ASXL1: variants seen among roughly 807,000 people sequenced by gnomAD.
ASXL1 encodes ASXL transcriptional regulator 1, also known as polycomb group protein ASXL1.
ASXL1 carries 65 observed loss-of-function variants against 89.1 expected under a neutral mutation model. The ratio of observed to expected loss-of-function variants is 0.73; its 90% CI spans 0.60 to 0.90. The LOEUF is 0.90. ASXL1 is among the 40% of genes least tolerant of loss of function. ASXL1 has a pLI of 0.00. For missense variants in ASXL1, 1,786 were observed against 1,942.9 expected, an observed-to-expected ratio of 0.92 and a Z score of 1.52; for synonymous variants, 739 against 746.9, an observed-to-expected ratio of 0.99 and a Z score of 0.17.
chr20:32,399,911 G>A (rs1043858948), intron 4 of ASXL1, among the ~76,000 whole-genome samples: 3 of 151,546 alleles, frequency 2.0e-5, no homozygotes, highest in South Asian at 4.2e-4. Flanking sequence ...ACAGGCACCC[G>A]CCACTACGCC....
intron 4 of ASXL1, among the ~76,000 whole-genome samples, chr20:32,378,829 C>T (rs1415364289): frequency 6.6e-6 from 1 of 151,610 alleles, no homozygotes; most frequent in Non-Finnish European, 1.5e-5. Context: ...ACACCCTCAA[C>T]TAAATATAGT....
chr20:32,403,844 T>C (rs534254174), intron 4 of ASXL1, among the ~76,000 whole-genome samples: 43 of 152,226 alleles, frequency 2.8e-4, no homozygotes, highest in Non-Finnish European at 5.3e-4. Flanking sequence ...AGTTCATGGA[T>C]ATAGTATGTT....
chr20:32,435,574 C>G lies in ASXL1; in HGVS notation c.2862C>G (p.Asp954Glu). ...CTGAGGAGGGTCTAGATCCTCTTGA[C>G]AGCCTTACTTCACTCTGGACTGTGC... Reference protein sequence around the residue: ...LTAEEGLDPLDSLTSLWTVPS... With the variant: ...LTAEEGLDPLESLTSLWTVPS... Residue 954 changes from aspartate to glutamate, a missense_variant, in exon 13 of 13, where the codon GAC (aspartate) becomes GAG (glutamate). Around this residue, in one of 3 missense-constraint regions of ASXL1, gnomAD observed 1,418 missense variants for 1,427.8 expected, o/e 0.99. Transcript: ENST00000375687. The G allele has an allele frequency of 1.2e-6, 2 of 1,614,072 alleles. No homozygotes were observed. The highest frequency in any genetic ancestry group is 1.7e-6 in the Non-Finnish European group (2 of 1,180,028).
intron 4 of ASXL1, among the ~76,000 whole-genome samples, chr20:32,421,994 G>T (rs925010504): frequency 6.8e-6 from 1 of 147,392 alleles, no homozygotes; most frequent in Admixed American, 6.9e-5. Flanking sequence ...TCAGCCTCCC[G>T]AGTAGCTGGG....
intron 4 of ASXL1, among the ~76,000 whole-genome samples, chr20:32,419,191 T>C (rs1380819600): frequency 4.0e-5 from 6 of 151,726 alleles, no homozygotes; most frequent in Non-Finnish European, 8.8e-5. Flanking sequence ...GCTCTCCATT[T>C]ATTTAGGGTT....
At chr20:32,386,521 A>G (rs954780301) in intron 4 of ASXL1, among the ~76,000 whole-genome samples, 1 of 151,950 alleles carries the variant, frequency 6.6e-6, no homozygotes, top group Non-Finnish European at 1.5e-5. Flanking sequence ...GAGTTTAAGT[A>G]ATTCTCATGC....
At chr20:32,411,397 T>G (rs2049044299) in intron 4 of ASXL1, among the ~76,000 whole-genome samples, 1 of 151,262 alleles carries the variant, frequency 6.6e-6, no homozygotes, top group African/African-American at 2.4e-5. Flanking sequence ...CCGGCTAATT[T>G]TTGTCTTTTT....
intron 4 of ASXL1, among the ~76,000 whole-genome samples, chr20:32,413,634 G>A (rs989115156): frequency 1.3e-5 from 2 of 152,186 alleles, no homozygotes; most frequent in African/African-American, 2.4e-5. Flanking sequence ...GTTTGCCCAC[G>A]ATTGAGGGGT....
chr20:32,409,326 G>T (rs1317258146), intron 4 of ASXL1, among the ~76,000 whole-genome samples: 2 of 152,048 alleles, frequency 1.3e-5, no homozygotes, highest in African/African-American at 4.8e-5. Flanking sequence ...TTAAAAATTT[G>T]TTTCCCAGTT....
intron 4 of ASXL1, among the ~76,000 whole-genome samples, chr20:32,411,462 A>G (rs902908455): frequency 8.0e-5 from 12 of 150,482 alleles, no homozygotes; most frequent in Non-Finnish European, 1.3e-4. Context: ...TCCTGGCCTC[A>G]AGCGATCCAC....
rs2123222993 is a variant in ASXL1 at position 32,429,938 on chromosome 20, C to T, written c.603C>T (p.Ser201=). 6.2e-7 allele frequency: 1 copy of T among 1,608,088 alleles called. No individual in the cohort carries two copies. Among genetic ancestry groups the T allele is most frequent in the Non-Finnish European group, 8.5e-7 (1 of 1,179,504 alleles). ...GCCACGCCGATGGCGAGAGCGGCAG[C>T]CCGTCCAGCAGCAGCAGCGGCTCTC... ...SGCHADGESG[S]PSSSSSGSLA... The change falls in exon 8 of 13, where the codon AGC becomes AGT. Residue 201 remains serine (S), a synonymous_variant. Coordinates refer to ENST00000375687, the MANE Select transcript of ASXL1 (RefSeq NM_015338.6). This position sits in a 1 kb window ranked among gnomAD's most constrained non-coding sequence, Gnocchi z 4.9.
chr20:32,396,409 T>C (rs1383942193), intron 4 of ASXL1, among the ~76,000 whole-genome samples: 1 of 152,232 alleles, frequency 6.6e-6, no homozygotes, highest in East Asian at 1.9e-4. Context: ...CTTTTGAGGC[T>C]TGCTTTTTAG....
intron 4 of ASXL1, among the ~76,000 whole-genome samples, chr20:32,375,063 T>G (rs1346327881): frequency 6.6e-6 from 1 of 151,968 alleles, no homozygotes; most frequent in Non-Finnish European, 1.5e-5. Context: ...GTCAGGCTGG[T>G]CTCGAACTCC....
chr20:32,377,899 T>A (rs1179758084), intron 4 of ASXL1, among the ~76,000 whole-genome samples: 3 of 151,794 alleles, frequency 2.0e-5, no homozygotes, highest in Admixed American at 6.6e-5. Context: ...GTGATCTGCC[T>A]GCCTCAGCCT....
intron 4 of ASXL1, among the ~76,000 whole-genome samples, chr20:32,397,810 C>T (rs181699452): frequency 9.8e-5 from 15 of 152,312 alleles, no homozygotes; most frequent in East Asian, 9.6e-4. Context: ...ACCTGCTGGC[C>T]GCAGGTTGGA....
chr20:32,414,629 GTTC>G (rs2049106350), intron 4 of ASXL1, among the ~76,000 whole-genome samples: 1 of 152,072 alleles, frequency 6.6e-6, no homozygotes, highest in African/African-American at 2.4e-5. Context: ...TTTCCTTTCA[GTTC>G]TTCTTTTGTT....
At chr20:32,410,946 C>T (rs953257830) in intron 4 of ASXL1, among the ~76,000 whole-genome samples, 10 of 147,358 alleles carry the variant, frequency 6.8e-5, no homozygotes, top group South Asian at 2.2e-4. Context: ...GCAGGAGAAT[C>T]GCTTGAACCC....
intron 4 of ASXL1, among the ~76,000 whole-genome samples, chr20:32,396,967 C>A (rs2123026734): frequency 6.7e-6 from 1 of 149,534 alleles, no homozygotes; most frequent in African/African-American, 2.5e-5. Flanking sequence ...CTAATGATAG[C>A]TGAATAGCTA....
Position 32,432,999 on chromosome 20 carries a change from A to T in ASXL1, c.1085+14A>T, listed in dbSNP as rs746620126. The stretch of plus-strand genomic sequence containing the variant: ...CTATGGACAGAAGTAAGGCAGTTGG[A>T]GCTATGAGTCCTGGTCTGGGGTTTT... On this transcript the variant is annotated intron_variant, in intron 11 of 12. Transcript: ENST00000375687. 3 of 1,613,368 alleles carry T rather than the reference A, an allele frequency of 1.9e-6. No homozygotes were observed.
Sources: allele counts gnomAD v4.1 joint callset (sites outside exome capture counted in the v4.1 genomes callset), GRCh38; gene constraint gnomAD v4.1.1; regional missense constraint gnomAD v4.1.1; non-coding constraint Gnocchi (gnomAD v3.1); transcripts MANE v1.5; gene names NCBI Gene and HGNC (gene_info 2026-07-23, HGNC 2026-07-21).